The following FAT3 variants were observed in gnomAD, a reference collection of about 807,000 sequenced individuals.
FAT3 encodes FAT atypical cadherin 3.
FAT3 carries 95 observed loss-of-function variants against 310.2 expected under a neutral mutation model. The ratio of observed to expected loss-of-function variants is 0.31; its 90% confidence interval spans 0.26 to 0.36. The LOEUF (loss-of-function observed/expected upper bound fraction) is 0.36. Among genes scored for constraint, FAT3 ranks in the 10% least tolerant of loss-of-function variants. The pLI is 1.00. For synonymous variants in FAT3, 2,314 were observed against 2,192.9 expected, an observed-to-expected ratio of 1.06 and a Z score of -1.54; for missense variants, 5,408 against 5,715.6, an observed-to-expected ratio of 0.95 and a Z score of 1.74.
intron 1 of FAT3, among the ~76,000 whole-genome samples, chr11:92,251,560 C>T (rs1018907794): frequency 2.6e-5 from 4 of 152,110 alleles, no homozygotes; most frequent in Admixed American, 1.3e-4. Context: ...TCTTACCTTT[C>T]ACTTCTCCAA....
chr11:92,445,212 T>A (rs996994470), intron 2 of FAT3, among the ~76,000 whole-genome samples: 2 of 152,202 alleles, frequency 1.3e-5, no homozygotes, highest in African/African-American at 4.8e-5. Flanking sequence ...CTAAGCAAAC[T>A]AATACACTAA....
intron 2 of FAT3, among the ~76,000 whole-genome samples, chr11:92,426,576 T>C (rs1274577928): frequency 6.6e-6 from 1 of 152,174 alleles, no homozygotes; most frequent in Non-Finnish European, 1.5e-5. Flanking sequence ...AGGGGTCAAG[T>C]TTCAGTTTTC....
At chr11:92,648,974 T>C (rs1942270831) in intron 3 of FAT3, among the ~76,000 whole-genome samples, 1 of 152,182 alleles carries the variant, frequency 6.6e-6, no homozygotes, top group African/African-American at 2.4e-5. Flanking sequence ...TGTTTTCATC[T>C]CTTGTTTCTA....
chr11:92,824,881 C>T (rs1298398819), intron 13 of FAT3, among the ~76,000 whole-genome samples: 1 of 151,806 alleles, frequency 6.6e-6, no homozygotes, highest in Non-Finnish European at 1.5e-5. Flanking sequence ...TATTCTTTTA[C>T]ATCTTTATTG....
rs747179048 is a variant in FAT3, at chr11:92,638,650, G to A, written c.3608-58734G>A. ...CAATTGAATTGGACACTTGAAGCAC[G>A]TCTCATAGGAAATGTCAGCACCAAT... On this transcript the variant is annotated intron_variant, in intron 3 of 27. Coordinates refer to ENST00000525166, the MANE Select transcript of FAT3 (RefSeq NM_001367949.2). Among the ~76,000 whole-genome samples the A allele has an allele frequency of 5.9e-5, 9 of 152,150 alleles. No individual in the cohort carries two copies. In the South Asian group the frequency reaches 6.2e-4, roughly 11 times the overall value.
At chr11:92,794,081 G>A (rs933737950) in intron 9 of FAT3, among the ~76,000 whole-genome samples, 1 of 152,062 alleles carries the variant, frequency 6.6e-6, no homozygotes, top group Non-Finnish European at 1.5e-5. Context: ...TTTCCGGAGA[G>A]AATTTACCTA....
chr11:92,332,237 A>G (rs1947940966), intron 1 of FAT3, among the ~76,000 whole-genome samples: 1 of 152,196 alleles, frequency 6.6e-6, no homozygotes, highest in South Asian at 2.1e-4. Flanking sequence ...ACTTTCCCAC[A>G]TCTGTGTTTT....
chr11:92,665,081 A>G (rs1395717877), intron 3 of FAT3, among the ~76,000 whole-genome samples: 2 of 152,192 alleles, frequency 1.3e-5, no homozygotes, highest in Non-Finnish European at 2.9e-5. Flanking sequence ...AGAGCTTGTT[A>G]GGTCATTTTT....
intron 3 of FAT3, among the ~76,000 whole-genome samples, chr11:92,566,509 C>T (rs1443811379): frequency 4.6e-5 from 7 of 151,344 alleles, no homozygotes; most frequent in Non-Finnish European, 8.8e-5. Context: ...CTACCAATGA[C>T]TTTCTTCACA....
chr11:92,335,344 G>T (rs1422860200), intron 1 of FAT3, among the ~76,000 whole-genome samples: 2 of 152,102 alleles, frequency 1.3e-5, no homozygotes, highest in Admixed American at 1.3e-4. Flanking sequence ...AGGTTAAGTG[G>T]CTTTCTTGAC....
intron 10 of FAT3, among the ~76,000 whole-genome samples, chr11:92,804,656 A>G (rs1276995981): frequency 6.6e-6 from 1 of 152,190 alleles, no homozygotes; most frequent in African/African-American, 2.4e-5. Flanking sequence ...TTCTCCGCCA[A>G]ACTCCAGTTC....
At chr11:92,294,484 T>C (rs1181642512) in intron 1 of FAT3, among the ~76,000 whole-genome samples, 2 of 151,990 alleles carry the variant, frequency 1.3e-5, no homozygotes, top group Non-Finnish European at 2.9e-5. Flanking sequence ...TGCCAAGTCA[T>C]ACTATAGTGG....
intron 3 of FAT3, among the ~76,000 whole-genome samples, chr11:92,564,220 A>T (rs1468131013): frequency 1.3e-5 from 2 of 152,248 alleles, no homozygotes; most frequent in Middle Eastern, 3.4e-3. Context: ...AAACAAAAAA[A>T]GGCAGGGGTT....
intron 3 of FAT3, among the ~76,000 whole-genome samples, chr11:92,692,473 G>A (rs959631053): frequency 9.9e-5 from 15 of 152,224 alleles, no homozygotes; most frequent in Admixed American, 5.9e-4. Flanking sequence ...TGCAAAAGTA[G>A]TATTTTATTC....
At chr11:92,713,997 C>A (rs762675561) in intron 4 of FAT3, among the ~76,000 whole-genome samples, 20 of 142,576 alleles carry the variant, frequency 1.4e-4, no homozygotes, top group Non-Finnish European at 2.4e-4. Context: ...GCATAAAGAA[C>A]CTTGAGGATA....
chr11:92,474,923 G>C (rs1435272434), intron 2 of FAT3, among the ~76,000 whole-genome samples: 1 of 152,154 alleles, frequency 6.6e-6, no homozygotes, highest in Admixed American at 6.5e-5. Context: ...TTCATGGCTT[G>C]TTCTATTTAG....
At chr11:92,863,343 T>C (rs182360027) in intron 21 of FAT3, among the ~76,000 whole-genome samples, 1 of 152,286 alleles carries the variant, frequency 6.6e-6, no homozygotes, top group Admixed American at 6.5e-5. Flanking sequence ...TATAACCACA[T>C]GCCAAGAATC....
chr11:92,770,313 G>A (rs770392744), intron 6 of FAT3, among the ~76,000 whole-genome samples: 4 of 152,024 alleles, frequency 2.6e-5, no homozygotes, highest in Admixed American at 2.6e-4. Context: ...TCCTAAACTC[G>A]ATTCTAGAAG....
At chr11:92,333,941 C>T (rs1947987379) in intron 1 of FAT3, among the ~76,000 whole-genome samples, 1 of 151,996 alleles carries the variant, frequency 6.6e-6, no homozygotes, top group Non-Finnish European at 1.5e-5. Flanking sequence ...ATTTTCTCCT[C>T]AGTTTAAATA....
Sources: allele counts gnomAD v4.1 joint callset (sites outside exome capture counted in the v4.1 genomes callset), GRCh38; gene constraint gnomAD v4.1.1; transcripts MANE v1.5; gene names NCBI Gene and HGNC (gene_info 2026-07-23, HGNC 2026-07-21).